GABRR3: variants seen among roughly 807,000 people sequenced by gnomAD.
GABRR3 encodes the protein gamma-aminobutyric acid receptor subunit rho-3.
GABRR3 carries 29 observed loss-of-function variants against 43.2 expected under a neutral mutation model. That is an observed-to-expected ratio of 0.67 (90% CI 0.50 to 0.92). GABRR3 has a LOEUF of 0.92. Among genes scored for constraint, GABRR3 ranks in the 40% least tolerant of loss-of-function variants. The pLI is 0.00. For synonymous variants in GABRR3, 206 were observed against 195.9 expected (o/e 1.05, Z -0.43); for missense variants, 576 against 572.3 (o/e 1.01, Z -0.07).
intron 8 of GABRR3, among the ~76,000 whole-genome samples, chr3:97,997,075 C>G (rs368511179): frequency 6.6e-6 from 1 of 152,074 alleles, no homozygotes; most frequent in South Asian, 2.1e-4. Context: ...AGCTCACATT[C>G]TAATAGAGGT....
intron 3 of GABRR3, among the ~76,000 whole-genome samples, chr3:98,024,744 T>C (rs1706990946): frequency 6.6e-6 from 1 of 152,216 alleles, no homozygotes; most frequent in South Asian, 2.1e-4. Flanking sequence ...GCTCCATCAA[T>C]GAAAGAAGAA....
chr3:98,008,798 C>CAAAAAAAAAAAAAAAAAAAAAAAAAAA (rs57502092), intron 6 of GABRR3, 158 bp downstream of exon 6: 1 of 113,852 alleles, frequency 8.8e-6, no homozygotes, highest in Non-Finnish European at 1.8e-5. Flanking sequence ...AAACAGAAAC[C>CAAAAAAAAAAAAAAAAAAAAAAAAAAA]AAAAAAAAAA....
rs1553720236 is a variant in GABRR3 at position 98,026,602 on chromosome 3, G to GTCATCATCATCATCATTAGCATCATCA, written c.126-924_126-923insTGATGATGCTAATGATGATGATGATGA. ...CACCTCCTTCCAGAAAAAGGTGGCT[G>GTCATCATCATCATCATTAGCATCATCA]TCATCATCATCATCATCATCATCAT... On this transcript the variant is annotated intron_variant, in intron 2 of 9. Coordinates refer to ENST00000621172, the Ensembl canonical transcript of GABRR3. Among the ~76,000 whole-genome samples the GTCATCATCATCATCATTAGCATCATCA allele has an allele frequency of 1.8e-3, 184 of 101,600 alleles. 1 individual carries two copies. The highest frequency in any genetic ancestry group is 4.5e-3 in the African/African-American group (143 of 31,486). 66.7% of individuals were successfully genotyped at this position (101,600 alleles called of 152,430 possible). A position where few individuals can be genotyped will look rare whatever the true frequency, so the allele number is the denominator to read the frequency against.
At chr3:98,025,744 G>T (rs1707007131) in intron 2 of GABRR3, 65 bp from the exon 3 acceptor site, 3 of 1,074,654 alleles carry the variant, frequency 2.8e-6, no homozygotes, top group Non-Finnish European at 4.1e-6. Context: ...TTTGATTTAG[G>T]TTAGCCATCT....
intron 3 of GABRR3, among the ~76,000 whole-genome samples, chr3:98,019,471 A>G (rs909616640): frequency 6.6e-6 from 1 of 152,192 alleles, no homozygotes; most frequent in African/African-American, 2.4e-5. Context: ...GGCCAGGCAC[A>G]GGGATGGCAT....
At chr3:98,023,866 G>C (rs191575279) in intron 3 of GABRR3, among the ~76,000 whole-genome samples, 5 of 152,140 alleles carry the variant, frequency 3.3e-5, no homozygotes, top group African/African-American at 9.7e-5. Context: ...TCAGCCTCCC[G>C]AGGAGCTCTC....
At chr3:98,034,251 C>T (rs1475725462) in intron 2 of GABRR3, among the ~76,000 whole-genome samples, 1 of 151,990 alleles carries the variant, frequency 6.6e-6, no homozygotes, top group Non-Finnish European at 1.5e-5. Context: ...CCTATAAAGC[C>T]CTAGGCAAAT....
At chr3:98,018,079 G>A (rs1488799782) in intron 3 of GABRR3, among the ~76,000 whole-genome samples, 2 of 147,548 alleles carry the variant, frequency 1.4e-5, no homozygotes, top group Admixed American at 6.8e-5. Context: ...TTGAAAACAT[G>A]TCTTAAGAGT....
Position 98,034,897 on chromosome 3 carries a change from G to A in GABRR3, c.91C>T (p.His31Tyr), listed in dbSNP as rs746111039. The A allele has an allele frequency of 3.1e-6, 5 of 1,613,070 alleles. No homozygotes were observed. In the Admixed American group the frequency reaches 8.3e-5, roughly 27 times the overall value. Residue 31 changes from histidine to tyrosine, a missense_variant, in exon 2 of 10, where the codon CAC becomes TAC. Transcript: ENST00000621172. ...TTCATTGAAGAGGAGCACCGCTGGT[G>A]TGTCATCTTGATGTTAGAAGCAGCA...
At chr3:97,986,811 T>G (rs780417576) in exon 10 of GABRR3, 2 of 1,612,492 alleles carry the variant, frequency 1.2e-6, no homozygotes, top group South Asian at 2.2e-5. Flanking sequence ...CCTAGGGATT[T>G]TCTTCTCTTT....
intron 2 of GABRR3, among the ~76,000 whole-genome samples, chr3:98,030,160 G>A (rs1041942285): frequency 5.3e-5 from 8 of 151,212 alleles, no homozygotes; most frequent in African/African-American, 1.9e-4. Context: ...CATTTTGCAG[G>A]TGGGAGTATA....
In GABRR3 at chr3:98,026,672, C is replaced by G. The variant is rs116659484; in HGVS notation, c.126-993G>C. On this transcript the variant is annotated intron_variant, in intron 2 of 9. Coordinates refer to ENST00000621172, the Ensembl canonical transcript of GABRR3. ...ATCGTGGGCAGCAGGAGCAATAACG[C>G]AAGACCCTGAGGGCTCTACTAAGTG... Among the ~76,000 whole-genome samples, 1,186 of 144,240 alleles carry G rather than the reference C, an allele frequency of 8.2e-3. 18 individuals carry two copies. Among genetic ancestry groups the G allele is most frequent in the African/African-American group, 0.03 (1,139 of 37,354 alleles). 94.6% of individuals were successfully genotyped at this position (144,240 alleles called of 152,430 possible).
intron 3 of GABRR3, 164 bp from the exon 4 acceptor site, chr3:98,017,886 C>T (rs758821449): frequency 1.3e-5 from 2 of 153,434 alleles, no homozygotes; most frequent in African/African-American, 4.8e-5. Flanking sequence ...ATTATATACT[C>T]AATTATTATA....
intron 3 of GABRR3, among the ~76,000 whole-genome samples, chr3:98,022,590 A>C (rs557046028): frequency 1.3e-5 from 2 of 152,338 alleles, no homozygotes; most frequent in South Asian, 4.1e-4. Flanking sequence ...CTGGTATAAG[A>C]AGCTGTTCTG....
chr3:98,010,552 T>C (rs952111518), intron 5 of GABRR3, among the ~76,000 whole-genome samples: 4 of 152,044 alleles, frequency 2.6e-5, no homozygotes, highest in African/African-American at 9.7e-5. Flanking sequence ...GGACCCAAAG[T>C]AAACAAAGAT....
chr3:98,026,318 G>A (rs1400544543), intron 2 of GABRR3, among the ~76,000 whole-genome samples: 1 of 152,148 alleles, frequency 6.6e-6, no homozygotes, highest in Non-Finnish European at 1.5e-5. Flanking sequence ...AGTAGGTGAT[G>A]TCTGTTTTTA....
chr3:97,998,265 T>C (rs763673168), intron 8 of GABRR3: 4 of 152,336 alleles, frequency 2.6e-5, no homozygotes, highest in Non-Finnish European at 5.9e-5. Flanking sequence ...TTTAGGGATT[T>C]TGATCTTTCA....
intron 3 of GABRR3, among the ~76,000 whole-genome samples, chr3:98,023,692 A>G (rs1706979277): frequency 1.3e-5 from 2 of 149,524 alleles, no homozygotes; most frequent in African/African-American, 4.9e-5. Flanking sequence ...AGAAAAAAAG[A>G]GACATATTTC....
chr3:97,987,375 C>T (rs1300205569), intron 9 of GABRR3, among the ~76,000 whole-genome samples: 1 of 152,194 alleles, frequency 6.6e-6, no homozygotes, highest in East Asian at 1.9e-4. Context: ...ATTATCAATG[C>T]TTTCTGGCTC....
Sources: gnomAD v4.1 joint callset for allele counts (sites outside exome capture counted in the v4.1 genomes callset) on GRCh38, gnomAD v4.1.1 for gene constraint, MANE v1.5 for transcripts, NCBI Gene and HGNC (gene_info 2026-07-23, HGNC 2026-07-21) for gene names.